The following DLC1 variants were observed in gnomAD, a reference collection of about 807,000 sequenced individuals.
The protein encoded by DLC1 is DLC1 Rho GTPase activating protein.
A neutral mutation model predicts 140.3 loss-of-function variants in DLC1; 54 were observed. That is an observed-to-expected ratio of 0.38 (90% CI 0.31 to 0.48). The LOEUF (loss-of-function observed/expected upper bound fraction) is 0.48. Ranked by LOEUF, DLC1 falls within the 20% of genes least tolerant of loss-of-function variation. The pLI is 0.96. For missense variants in DLC1, 2,536 were observed against 1,907.0 expected (o/e 1.33, Z -6.14); for synonymous variants, 986 against 728.1 (o/e 1.35, Z -5.70).
chr8:13,539,406 T>C (rs1803409596), intron 1 of DLC1, among the ~76,000 whole-genome samples: 1 of 152,130 alleles, frequency 6.6e-6, no homozygotes, highest in African/African-American at 2.4e-5. Flanking sequence ...TTCATCGTGT[T>C]AGCCAAGATG....
At position 13,100,216 on chromosome 8, in the gene DLC1, C is replaced by G. The variant is rs766468499; in HGVS notation, c.2121G>C (p.Lys707Asn). 1 of 1,614,198 alleles carries G rather than the reference C, an allele frequency of 6.2e-7. No individual in the cohort carries two copies. The highest frequency in any genetic ancestry group is 1.3e-5 in the African/African-American group (1 of 75,046). Residue 707 changes from lysine (K) to asparagine (N), a missense_variant, in exon 9 of 18, where the codon AAG becomes AAC. Coordinates refer to ENST00000276297, the MANE Select transcript of DLC1 (RefSeq NM_182643.3). ...PILQEGMDEE[K>N]LKQLNCVEIS... Reference sequence around the variant, plus strand: ...TCTCCACGCAGTTGAGCTGCTTCAGCTTCTCCTCATCCATCCCCTCTTGCA... The same window carrying G: ...TCTCCACGCAGTTGAGCTGCTTCAGGTTCTCCTCATCCATCCCCTCTTGCA...
intron 5 of DLC1, among the ~76,000 whole-genome samples, chr8:13,264,982 A>T (rs764528894): frequency 6.6e-6 from 1 of 152,218 alleles, no homozygotes; most frequent in Non-Finnish European, 1.5e-5. Flanking sequence ...CTTCAAAGTG[A>T]ACAGAGATTA....
rs762870285 is a variant in DLC1, at chr8:13,360,092, C to G, written c.1314+33461G>C. Among the ~76,000 whole-genome samples, 8 of 152,316 alleles carry G rather than the reference C, an allele frequency of 5.3e-5. No homozygotes were observed. In the South Asian group the frequency reaches 1.0e-3, roughly 20 times the overall value. ...TTTGCCTATCCCCACAGGAGACAGACAAGCTGGGTTCAAGCAAGCTGAGTT... is the reference window on the plus strand; with the variant it reads ...TTTGCCTATCCCCACAGGAGACAGAGAAGCTGGGTTCAAGCAAGCTGAGTT... On this transcript the variant is annotated intron_variant, in intron 4 of 17. Transcript: ENST00000276297.
At chr8:13,484,252 G>A (rs527409759) in intron 2 of DLC1, among the ~76,000 whole-genome samples, 93 of 152,272 alleles carry the variant, frequency 6.1e-4, no homozygotes, top group Admixed American at 1.0e-3. Context: ...TCATGAAGAT[G>A]TAAAATTATT....
At chr8:13,535,036 G>A (rs780496195) in intron 1 of DLC1, among the ~76,000 whole-genome samples, 1 of 152,134 alleles carries the variant, frequency 6.6e-6, no homozygotes, top group South Asian at 2.1e-4. Flanking sequence ...TATTTGTTGA[G>A]AGTTCTTTAT....
At chr8:13,158,347 A>C (rs1824413658) in intron 5 of DLC1, among the ~76,000 whole-genome samples, 2 of 152,232 alleles carry the variant, frequency 1.3e-5, no homozygotes, top group Non-Finnish European at 2.9e-5. Context: ...CTCTACTTGG[A>C]GTAACTACAG....
chr8:13,378,656 T>C (rs1836106952), intron 4 of DLC1, among the ~76,000 whole-genome samples: 1 of 152,194 alleles, frequency 6.6e-6, no homozygotes, highest in African/African-American at 2.4e-5. Context: ...CCTTATTACA[T>C]GTTTTTTTGT....
intron 5 of DLC1, among the ~76,000 whole-genome samples, chr8:13,207,017 G>A (rs997125013): frequency 6.6e-6 from 1 of 152,096 alleles, no homozygotes; most frequent in Non-Finnish European, 1.5e-5. Flanking sequence ...GAGCAAGTAA[G>A]TGCTTTATAA....
chr8:13,532,184 A>G (rs967491666), intron 1 of DLC1, among the ~76,000 whole-genome samples: 4 of 152,150 alleles, frequency 2.6e-5, no homozygotes, highest in African/African-American at 9.7e-5. Context: ...GCAGGGGGAT[A>G]GCTTGAGCCC....
chr8:13,088,160 G>A (rs1024119732), intron 16 of DLC1, among the ~76,000 whole-genome samples: 4 of 152,106 alleles, frequency 2.6e-5, no homozygotes, highest in African/African-American at 7.2e-5. Context: ...AGCTCACTGC[G>A]GCCTCAAACT....
chr8:13,280,009 G>A (rs1831309371), intron 5 of DLC1, among the ~76,000 whole-genome samples: 2 of 151,962 alleles, frequency 1.3e-5, no homozygotes, highest in Non-Finnish European at 2.9e-5. Context: ...GCTGGGTGCG[G>A]TGGCTCACAC....
At chr8:13,261,327 A>G (rs1238665807) in intron 5 of DLC1, among the ~76,000 whole-genome samples, 5 of 152,134 alleles carry the variant, frequency 3.3e-5, no homozygotes, top group Non-Finnish European at 5.9e-5. Context: ...ATTGTCATGA[A>G]CAGCAAAGAG....
chr8:13,104,040 G>A (rs1819341275), intron 7 of DLC1, among the ~76,000 whole-genome samples: 1 of 152,070 alleles, frequency 6.6e-6, no homozygotes, highest in South Asian at 2.1e-4. Context: ...TGGACAGCCT[G>A]TCTAAAATTT....
At chr8:13,214,466 G>A in intron 5 of DLC1, 2 of 639,848 alleles carry the variant, frequency 3.1e-6, no homozygotes, top group South Asian at 1.9e-5. Flanking sequence ...GGTCTGTGCT[G>A]ACTGTTGGTA....
At chr8:13,406,674 A>G (rs1336602034) in intron 2 of DLC1, among the ~76,000 whole-genome samples, 1 of 152,178 alleles carries the variant, frequency 6.6e-6, no homozygotes, top group Non-Finnish European at 1.5e-5. Context: ...TGGATATGAT[A>G]TAATTCTGTC....
At chr8:13,445,127 A>G (rs1798718425) in intron 2 of DLC1, among the ~76,000 whole-genome samples, 1 of 152,062 alleles carries the variant, frequency 6.6e-6, no homozygotes, top group Admixed American at 6.6e-5. Context: ...AAGAGGGCGA[A>G]AGGAAGAGAG....
At chr8:13,183,726 T>C (rs1826174231) in intron 5 of DLC1, among the ~76,000 whole-genome samples, 1 of 152,244 alleles carries the variant, frequency 6.6e-6, no homozygotes, top group Non-Finnish European at 1.5e-5. Context: ...GCCAGTATTT[T>C]ACTGAGGATT....
chr8:13,250,340 TCTC>T (rs977812700), intron 5 of DLC1, among the ~76,000 whole-genome samples: 15 of 152,290 alleles, frequency 9.8e-5, no homozygotes, highest in African/African-American at 3.6e-4. Flanking sequence ...TTCAAAGAGT[TCTC>T]CTGGTTGAAG....
chr8:13,092,545 C>G (rs1226734986), intron 13 of DLC1, 67 bp downstream of exon 13: 2 of 1,537,364 alleles, frequency 1.3e-6, no homozygotes, highest in Non-Finnish European at 1.8e-6. Flanking sequence ...AAAACCACAG[C>G]TACGGAGAGT....
Sources: gnomAD v4.1 joint callset for allele counts (sites outside exome capture counted in the v4.1 genomes callset) on GRCh38, gnomAD v4.1.1 for gene constraint, MANE v1.5 for transcripts, NCBI Gene and HGNC (gene_info 2026-07-23, HGNC 2026-07-21) for gene names.